The following GALNT13 variants were observed in gnomAD, a reference collection of about 807,000 sequenced individuals.
GALNT13 encodes polypeptide N-acetylgalactosaminyltransferase 13.
Under a neutral mutation model 64.2 loss-of-function variants are expected in GALNT13, and 28 were observed. The observed-to-expected ratio is 0.44, with a 90% CI of 0.32 to 0.60. The LOEUF (loss-of-function observed/expected upper bound fraction) is 0.60. Ranked by LOEUF, GALNT13 falls within the 20% of genes least tolerant of loss-of-function variation. The pLI is 0.05. For missense variants in GALNT13, 577 were observed against 669.8 expected (o/e 0.86, Z 1.53); for synonymous variants, 214 against 224.6 (o/e 0.95, Z 0.42).
At chr2:154,382,847 T>G (rs1421925978) in intron 9 of GALNT13, among the ~76,000 whole-genome samples, 2 of 151,872 alleles carry the variant, frequency 1.3e-5, no homozygotes, top group African/African-American at 2.4e-5. Context: ...ACTGAGAGAC[T>G]GTGGTTATGG....
chr2:153,382,933 A>G, the GALNT13 span, among the ~76,000 whole-genome samples: 1 of 152,040 alleles, frequency 6.6e-6, no homozygotes, highest in East Asian at 1.9e-4. Context: ...ATTTAGCTGA[A>G]TTTTCTATTT....
Position 153,944,383 on chromosome 2 carries a change from T to G in GALNT13, c.-104-11T>G. 1 of 875,694 alleles carries G rather than the reference T, an allele frequency of 1.1e-6. No homozygotes were observed. The highest frequency in any genetic ancestry group is 1.7e-6 in the Non-Finnish European group (1 of 572,180). The allele number at this position is 875,694 out of a possible 1,614,324, so 54.2% of individuals were successfully genotyped here. On this transcript the variant is annotated splice_polypyrimidine_tract_variant and intron_variant, in intron 2 of 12. Transcript: ENST00000392825. ...ACAATTAATGAAATTTTCTTCTTTGTTTTAATGCAGTGGAATGTATCCTGC... is the reference window on the plus strand; with the variant it reads ...ACAATTAATGAAATTTTCTTCTTTGGTTTAATGCAGTGGAATGTATCCTGC...
At chr2:153,573,805 AAGTCATTGT>A in the GALNT13 span, among the ~76,000 whole-genome samples, 1 of 152,036 alleles carries the variant, frequency 6.6e-6, no homozygotes, top group Non-Finnish European at 1.5e-5. Flanking sequence ...ATAACTTGAA[AAGTCATTGT>A]AGTTATTATT....
the GALNT13 span, among the ~76,000 whole-genome samples, chr2:153,630,678 TAA>T: frequency 2.4e-5 from 3 of 127,224 alleles, no homozygotes; most frequent in Non-Finnish European, 5.0e-5. Flanking sequence ...ATTAAAAAAT[TAA>T]AAAAAATTAA....
chr2:154,130,088 C>T (rs969255439), intron 3 of GALNT13, among the ~76,000 whole-genome samples: 2 of 152,050 alleles, frequency 1.3e-5, no homozygotes, highest in African/African-American at 2.4e-5. Flanking sequence ...GCTAGCATAT[C>T]GGTGAATTCT....
intron 3 of GALNT13, among the ~76,000 whole-genome samples, chr2:154,110,377 ACAGAGAGAGAGAGAGAGAGAGAG>A (rs1702911026): frequency 1.1e-5 from 1 of 91,452 alleles, no homozygotes; most frequent in East Asian, 1.9e-3. Flanking sequence ...AGAGAGAGAG[ACAGAGAGAGAGAGAGAGAGAGAG>A]ACAGAGAGAG....
intron 8 of GALNT13, among the ~76,000 whole-genome samples, chr2:154,264,645 A>C (rs546996779): frequency 6.6e-6 from 1 of 152,148 alleles, no homozygotes; most frequent in Non-Finnish European, 1.5e-5. Flanking sequence ...AAAAACAAAC[A>C]AACAAACAAA....
chr2:153,606,781 G>A, the GALNT13 span, among the ~76,000 whole-genome samples: 19 of 151,268 alleles, frequency 1.3e-4, no homozygotes, highest in Non-Finnish European at 2.4e-4. Flanking sequence ...GCTTGCCTCC[G>A]TTGTCTCTCC....
the GALNT13 span, among the ~76,000 whole-genome samples, chr2:153,401,044 C>T: frequency 1.9e-3 from 295 of 151,530 alleles, 2 homozygotes; most frequent in African/African-American, 6.4e-3. Flanking sequence ...ATCTTTCCTG[C>T]TTTCTCTTGT....
chr2:153,655,978 A>C, the GALNT13 span, among the ~76,000 whole-genome samples: 1 of 152,160 alleles, frequency 6.6e-6, no homozygotes, highest in Non-Finnish European at 1.5e-5. Flanking sequence ...CATACCAAAA[A>C]TTCCTACTAG....
chr2:154,413,213 T>A (rs1699867073), intron 11 of GALNT13, among the ~76,000 whole-genome samples: 1 of 151,868 alleles, frequency 6.6e-6, no homozygotes, highest in African/African-American at 2.4e-5. Flanking sequence ...CCCACCTGTT[T>A]CCAAACTGAA....
intron 3 of GALNT13, among the ~76,000 whole-genome samples, chr2:154,061,084 A>C (rs981290267): frequency 2.6e-5 from 4 of 152,114 alleles, no homozygotes; most frequent in Non-Finnish European, 5.9e-5. Flanking sequence ...TCAAACTTAC[A>C]AAAAAGTGGC....
chr2:154,407,528 T>C (rs1305531214), intron 10 of GALNT13, among the ~76,000 whole-genome samples: 1 of 152,158 alleles, frequency 6.6e-6, no homozygotes, highest in Non-Finnish European at 1.5e-5. Flanking sequence ...CTTTTGCCTA[T>C]AGGTTCAATC....
the GALNT13 span, among the ~76,000 whole-genome samples, chr2:153,705,138 C>T: frequency 2.7e-4 from 41 of 152,010 alleles, no homozygotes; most frequent in Non-Finnish European, 5.0e-4. Context: ...AAACTTGTAC[C>T]ATATACATAA....
chr2:153,611,984 G>A, the GALNT13 span, among the ~76,000 whole-genome samples: 1 of 151,626 alleles, frequency 6.6e-6, no homozygotes, highest in Non-Finnish European at 1.5e-5. Context: ...GTGTTAGTTT[G>A]CTGAGGATGA....
chr2:153,158,804 A>T, the GALNT13 span: 1 of 152,250 alleles, frequency 6.6e-6, no homozygotes, highest in African/African-American at 2.4e-5. Context: ...TAAAGATTCT[A>T]TGTCAAAATA....
chr2:153,195,801 G>A, the GALNT13 span, among the ~76,000 whole-genome samples: 2 of 152,226 alleles, frequency 1.3e-5, no homozygotes, highest in Admixed American at 1.3e-4. Context: ...ATGCAGATAT[G>A]TGAAGGGTGA....
intron 3 of GALNT13, among the ~76,000 whole-genome samples, chr2:153,989,091 G>A (rs1327111685): frequency 1.3e-5 from 2 of 151,844 alleles, no homozygotes; most frequent in South Asian, 2.1e-4. Context: ...AAGAATGCCT[G>A]TATCCTCTCC....
chr2:153,481,532 C>A, the GALNT13 span, among the ~76,000 whole-genome samples: 1 of 152,110 alleles, frequency 6.6e-6, no homozygotes, highest in South Asian at 2.1e-4. Flanking sequence ...CACTTTAAAG[C>A]AAAGATTTTT....
Sources: allele counts gnomAD v4.1 joint callset (sites outside exome capture counted in the v4.1 genomes callset), GRCh38; gene constraint gnomAD v4.1.1; transcripts MANE v1.5; gene names NCBI Gene and HGNC (gene_info 2026-07-23, HGNC 2026-07-21).